The following PFKFB3 variants were observed in gnomAD, a reference collection of about 807,000 sequenced individuals.
PFKFB3 encodes the protein 6-phosphofructo-2-kinase/fructose-2,6-bisphosphatase 3.
In PFKFB3, 33 loss-of-function variants were observed where a neutral mutation model predicts 68.0. The observed-to-expected ratio is 0.49, with a 90% confidence interval of 0.37 to 0.65. The LOEUF (loss-of-function observed/expected upper bound fraction) is 0.65. PFKFB3 is among the 30% of genes least tolerant of loss of function. The pLI is 0.00. For synonymous variants in PFKFB3, 315 were observed against 288.2 expected, an observed-to-expected ratio of 1.09 and a Z score of -0.94; for missense variants, 586 against 712.2, an observed-to-expected ratio of 0.82 and a Z score of 2.02.
the PFKFB3 span, among the ~76,000 whole-genome samples, chr10:6,318,098 T>A: frequency 6.6e-6 from 1 of 152,122 alleles, no homozygotes; most frequent in South Asian, 2.1e-4. Context: ...TAAATTCAGT[T>A]CCCGGGAAAT....
At chr10:6,180,311 C>T (rs1280495693) in intron 1 of PFKFB3, among the ~76,000 whole-genome samples, 2 of 152,094 alleles carry the variant, frequency 1.3e-5, no homozygotes, top group African/African-American at 2.4e-5. Flanking sequence ...TGAGGGGGAC[C>T]ATGTAATATT....
chr10:6,232,201 C>T (rs1278108380), intron 14 of PFKFB3, among the ~76,000 whole-genome samples: 1 of 144,650 alleles, frequency 6.9e-6, no homozygotes, highest in Non-Finnish European at 1.5e-5. Flanking sequence ...TGTGCAGTGG[C>T]TGCAGTCAGT....
the PFKFB3 span, among the ~76,000 whole-genome samples, chr10:6,299,542 G>A: frequency 6.6e-6 from 1 of 152,106 alleles, no homozygotes; most frequent in Non-Finnish European, 1.5e-5. Flanking sequence ...TCTTTCGCAG[G>A]GATATATTGT....
intron 1 of PFKFB3, among the ~76,000 whole-genome samples, chr10:6,194,717 G>A (rs1588452336): frequency 6.6e-6 from 1 of 152,260 alleles, no homozygotes; most frequent in Non-Finnish European, 1.5e-5. Flanking sequence ...GTGGGAAGCT[G>A]GCCCAAGAGC....
At chr10:6,195,319 C>T (rs1564610984) in intron 1 of PFKFB3, among the ~76,000 whole-genome samples, 1 of 152,168 alleles carries the variant, frequency 6.6e-6, no homozygotes, top group Non-Finnish European at 1.5e-5. Context: ...AGGGCTGTTC[C>T]ATCGGGTTTA....
chr10:6,248,163 A>G (rs1846297985), intron 14 of PFKFB3, among the ~76,000 whole-genome samples: 1 of 152,148 alleles, frequency 6.6e-6, no homozygotes, highest in Admixed American at 6.6e-5. Flanking sequence ...CTTTTCTTTC[A>G]CTGTTATTGT....
rs1564217447 is a variant in PFKFB3, at chr10:6,229,985, T to C, written c.1516-2910T>C. ...GCCCGCCTCTCAGTGGGCTATGGACTGGGTACTGGTCCACAGCCCAGGGGT... is the reference window on the plus strand; with the variant it reads ...GCCCGCCTCTCAGTGGGCTATGGACCGGGTACTGGTCCACAGCCCAGGGGT... On this transcript the variant is annotated intron_variant, in intron 14 of 14. Transcript: ENST00000379775. The surrounding 1 kb of genome is among the most constrained non-coding windows in gnomAD (Gnocchi z 4.3). 1.3e-5 allele frequency among the ~76,000 whole-genome samples: 2 copies of C among 152,070 alleles called. No individual in the cohort carries two copies. The highest frequency in any genetic ancestry group is 6.5e-5 in the Admixed American group (1 of 15,278).
intron 14 of PFKFB3, chr10:6,231,527 G>C (rs373821395): frequency 1.0e-6 from 1 of 985,364 alleles, no homozygotes; most frequent in Non-Finnish European, 1.2e-6. Context: ...GACATCACCC[G>C]GTCTTGCAGG....
chr10:6,175,057 C>G (rs188243982), intron 1 of PFKFB3, among the ~76,000 whole-genome samples: 63 of 152,212 alleles, frequency 4.1e-4, no homozygotes, highest in Middle Eastern at 3.4e-3. Flanking sequence ...CCCAAGTGTT[C>G]CGTGCGTCTG....
At chr10:6,250,934 C>T (rs781620562) in intron 14 of PFKFB3, among the ~76,000 whole-genome samples, 8 of 152,150 alleles carry the variant, frequency 5.3e-5, no homozygotes, top group Non-Finnish European at 8.8e-5. Flanking sequence ...TTAACTTAGC[C>T]GCACACCAGA....
intron 1 of PFKFB3, among the ~76,000 whole-genome samples, chr10:6,147,958 G>T (rs948725612): frequency 6.6e-6 from 1 of 152,192 alleles, no homozygotes; most frequent in African/African-American, 2.4e-5. Context: ...CTTAGGTGCT[G>T]GTCCTGTCCC....
At chr10:6,204,632 C>A (rs76175717) in intron 1 of PFKFB3, among the ~76,000 whole-genome samples, 1,610 of 152,306 alleles carry the variant, frequency 0.011, 25 homozygotes, top group Middle Eastern at 0.02. Context: ...GTGAGGTAGC[C>A]CAGGACTGGG....
intron 1 of PFKFB3, among the ~76,000 whole-genome samples, chr10:6,167,021 G>A (rs1345145458): frequency 6.6e-6 from 1 of 152,096 alleles, no homozygotes; most frequent in African/African-American, 2.4e-5. Context: ...TGGAGATGGA[G>A]TTTCTCCATG....
chr10:6,225,013 A>G, intron 13 of PFKFB3: 1 of 409,458 alleles, frequency 2.4e-6, no homozygotes, highest in South Asian at 1.8e-5. Flanking sequence ...GCTTCAGGAG[A>G]CCTCGAGGCC....
intron 14 of PFKFB3, chr10:6,231,534 C>G: frequency 1.0e-6 from 1 of 985,438 alleles, no homozygotes; most frequent in Non-Finnish European, 1.2e-6. Context: ...CCCGGTCTTG[C>G]AGGCTCTCCA....
the PFKFB3 span, among the ~76,000 whole-genome samples, chr10:6,311,546 C>G: frequency 6.6e-6 from 1 of 151,992 alleles, no homozygotes; most frequent in African/African-American, 2.4e-5. Flanking sequence ...GTCAGGAGCT[C>G]GAGACCAGCC....
At chr10:6,148,940 G>C (rs954937314) in intron 1 of PFKFB3, among the ~76,000 whole-genome samples, 1 of 152,112 alleles carries the variant, frequency 6.6e-6, no homozygotes, top group African/African-American at 2.4e-5. Context: ...TCAGCTGGGG[G>C]TGGTGGCGTG....
At chr10:6,292,278 C>CTTTTTTTTTTT in the PFKFB3 span, among the ~76,000 whole-genome samples, 213 of 54,330 alleles carry the variant, frequency 3.9e-3, no homozygotes, top group Non-Finnish European at 5.0e-3. Context: ...TTTTTTTTTT[C>CTTTTTTTTTTT]TTTTTTTTTT....
At chr10:6,274,807 G>A in the PFKFB3 span, among the ~76,000 whole-genome samples, 4 of 151,788 alleles carry the variant, frequency 2.6e-5, no homozygotes, top group Non-Finnish European at 5.9e-5. Flanking sequence ...CTGCACTCCA[G>A]GTTGGGTGAC....
Sources: gnomAD v4.1 joint callset for allele counts (sites outside exome capture counted in the v4.1 genomes callset) on GRCh38, gnomAD v4.1.1 for gene constraint, Gnocchi (gnomAD v3.1) non-coding constraint, MANE v1.5 for transcripts, NCBI Gene and HGNC (gene_info 2026-07-23, HGNC 2026-07-21) for gene names.